CERS3: variants seen among roughly 807,000 people sequenced by gnomAD.
CERS3 encodes the protein ceramide synthase 3.
CERS3 carries 33 observed loss-of-function variants against 50.3 expected under a neutral mutation model. The ratio of observed to expected loss-of-function variants is 0.66; its 90% CI spans 0.50 to 0.88. The LOEUF (loss-of-function observed/expected upper bound fraction) is 0.88. CERS3 is among the 40% of genes least tolerant of loss of function. The pLI is 0.00. For missense variants in CERS3, 470 were observed against 460.3 expected, an observed-to-expected ratio of 1.02 and a Z score of -0.19; for synonymous variants, 176 against 155.2, an observed-to-expected ratio of 1.13 and a Z score of -0.99.
At chr15:100,515,985 G>A (rs946051126) in intron 2 of CERS3, among the ~76,000 whole-genome samples, 3 of 152,156 alleles carry the variant, frequency 2.0e-5, no homozygotes, top group Non-Finnish European at 4.4e-5. Flanking sequence ...TCGGGCACAA[G>A]TGACTGGTCC....
At chr15:100,474,095 C>T (rs1360396447) in intron 8 of CERS3, among the ~76,000 whole-genome samples, 5 of 150,550 alleles carry the variant, frequency 3.3e-5, no homozygotes, top group African/African-American at 4.9e-5. Flanking sequence ...TCTATAGAGA[C>T]AAAGGAGATT....
intron 2 of CERS3, among the ~76,000 whole-genome samples, chr15:100,515,669 CA>C (rs1404059418): frequency 2.6e-5 from 4 of 151,710 alleles, no homozygotes; most frequent in Non-Finnish European, 5.9e-5. Flanking sequence ...TCTTAGGGTT[CA>C]AAAAAAGGGG....
At chr15:100,488,929 A>G (rs1040491604) in intron 4 of CERS3, among the ~76,000 whole-genome samples, 2 of 152,088 alleles carry the variant, frequency 1.3e-5, no homozygotes, top group South Asian at 2.1e-4. Flanking sequence ...GGCACTCGCC[A>G]CCACGCCCAG....
At chr15:100,499,692 TA>T (rs929024351) in intron 3 of CERS3, among the ~76,000 whole-genome samples, 4 of 152,200 alleles carry the variant, frequency 2.6e-5, no homozygotes, top group African/African-American at 9.6e-5. Context: ...TGCTGAAACA[TA>T]GGGTTATATT....
chr15:100,418,600 G>A (rs1382910387), intron 11 of CERS3, among the ~76,000 whole-genome samples: 3 of 141,966 alleles, frequency 2.1e-5, no homozygotes, highest in Admixed American at 7.3e-5. Context: ...GATACTCCTC[G>A]AGAAGAGCAA....
At chr15:100,467,070 G>T (rs1448099937) in intron 10 of CERS3, among the ~76,000 whole-genome samples, 1 of 151,878 alleles carries the variant, frequency 6.6e-6, no homozygotes, top group East Asian at 1.9e-4. Flanking sequence ...TGGGCAGGTT[G>T]GTCTCGAACT....
chr15:100,429,555 T>A (rs2033006193), intron 11 of CERS3, among the ~76,000 whole-genome samples: 1 of 152,210 alleles, frequency 6.6e-6, no homozygotes, highest in Admixed American at 6.5e-5. Context: ...GGCTGATCTC[T>A]GCCTCCCTGG....
rs568599867 is a variant in CERS3, at chr15:100,400,771, C to G, written c.*1942G>C. 12 of 151,998 alleles carry G rather than the reference C, an allele frequency of 7.9e-5. No individual in the cohort carries two copies. Among genetic ancestry groups the G allele is most frequent in the African/African-American group, 2.9e-4 (12 of 41,500 alleles). 9.4% of individuals were successfully genotyped at this position (151,998 alleles called of 1,614,324 possible). On this transcript the variant is annotated 3_prime_UTR_variant, in exon 12 of 12. Transcript: ENST00000679737. ...AAGAAAGCATACCGTTAACTGAAAA[C>G]ATAAAAAATTATATCTTAGTGTGAC...
chr15:100,469,626 A>G (rs183778707), intron 9 of CERS3, 142 bp from the exon 10 acceptor site: 2 of 611,824 alleles, frequency 3.3e-6, no homozygotes, highest in African/African-American at 3.7e-5. Flanking sequence ...GGGGCAATAG[A>G]TAAAACAAGA....
intron 2 of CERS3, among the ~76,000 whole-genome samples, chr15:100,513,932 T>G (rs56404411): frequency 0.32 from 49,190 of 152,030 alleles, 8,126 homozygotes; most frequent in East Asian, 0.37. Context: ...CCTCATCTAG[T>G]CTTTCCAGAG....
At chr15:100,465,157 C>A (rs1181743011) in intron 10 of CERS3, among the ~76,000 whole-genome samples, 10 of 152,016 alleles carry the variant, frequency 6.6e-5, no homozygotes, top group African/African-American at 2.4e-5. Flanking sequence ...ACAAAAGCAG[C>A]TGGAAAGAAG....
intron 11 of CERS3, among the ~76,000 whole-genome samples, chr15:100,451,512 G>A (rs1158223720): frequency 6.6e-6 from 1 of 152,082 alleles, no homozygotes; most frequent in East Asian, 1.9e-4. Context: ...GACCATCCGG[G>A]CTAACATGGT....
chr15:100,453,430 G>T (rs748162759), intron 11 of CERS3, among the ~76,000 whole-genome samples: 4 of 152,104 alleles, frequency 2.6e-5, no homozygotes, highest in African/African-American at 4.8e-5. Context: ...CGCAGAAAAA[G>T]CATTTAATAA....
intron 11 of CERS3, among the ~76,000 whole-genome samples, chr15:100,443,025 T>C (rs1191983117): frequency 2.6e-5 from 4 of 151,808 alleles, no homozygotes; most frequent in African/African-American, 9.7e-5. Context: ...TTTTTAGTTA[T>C]CCCCACCTGC....
At chr15:100,430,046 C>T (rs1016404035) in intron 11 of CERS3, among the ~76,000 whole-genome samples, 1 of 151,930 alleles carries the variant, frequency 6.6e-6, no homozygotes, top group African/African-American at 2.4e-5. Flanking sequence ...GGCGCGGTGG[C>T]TCACACCTGT....
chr15:100,510,428 G>A (rs1262346246), intron 2 of CERS3, among the ~76,000 whole-genome samples: 1 of 151,940 alleles, frequency 6.6e-6, no homozygotes, highest in Non-Finnish European at 1.5e-5. Flanking sequence ...TCATAATAGA[G>A]TTTCAAAAAA....
At chr15:100,532,578 C>G (rs757512638), upstream of CERS3, among the ~76,000 whole-genome samples, 2 of 150,890 alleles carry the variant, frequency 1.3e-5, no homozygotes, top group African/African-American at 2.4e-5. Context: ...CCAGACTGGG[C>G]AAGATGGCAA....
chr15:100,484,516 G>T, intron 5 of CERS3, 34 bp downstream of exon 5: 8 of 1,406,414 alleles, frequency 5.7e-6, no homozygotes, highest in Non-Finnish European at 6.1e-6. Flanking sequence ...AGATAGGACG[G>T]CAGCATTCCT....
chr15:100,442,837 A>G (rs867028044), intron 11 of CERS3, among the ~76,000 whole-genome samples: 44 of 152,224 alleles, frequency 2.9e-4, no homozygotes, highest in African/African-American at 7.9e-4. Context: ...TCACAGTGGA[A>G]GGTAAGCCCA....
Sources: gnomAD v4.1 joint callset for allele counts (sites outside exome capture counted in the v4.1 genomes callset) on GRCh38, gnomAD v4.1.1 for gene constraint, MANE v1.5 for transcripts, NCBI Gene and HGNC (gene_info 2026-07-23, HGNC 2026-07-21) for gene names.